SQLE: variants seen among roughly 807,000 people sequenced by gnomAD.
SQLE encodes the protein squalene monooxygenase.
Under a neutral mutation model 60.7 loss-of-function variants are expected in SQLE, and 29 were observed. The ratio of observed to expected loss-of-function variants is 0.48; its 90% confidence interval spans 0.36 to 0.65. SQLE has a LOEUF of 0.65. Among genes scored for constraint, SQLE ranks in the 30% least tolerant of loss-of-function variants. SQLE has a pLI of 0.00. For synonymous variants in SQLE, 237 were observed against 246.8 expected (o/e 0.96, Z 0.37); for missense variants, 605 against 684.1 (o/e 0.88, Z 1.29).
chr8:125,011,611 CCTT>C lies in SQLE; in HGVS notation c.1185_1187del (p.Ser397del). 6.3e-7 allele frequency: 1 copy of C among 1,580,924 alleles called. No individual in the cohort carries two copies. Among genetic ancestry groups the C allele is most frequent in the Non-Finnish European group, 8.6e-7 (1 of 1,161,594 alleles). On this transcript the variant is annotated inframe_deletion, in exon 7 of 11. Coordinates refer to ENST00000265896, the MANE Select transcript of SQLE (RefSeq NM_003129.4). ...GTCCATGCCAGCAAGCTTCCTTCCT[CCTT>C]CATCAGTGAAGAAACGAGGTATTAT...
At position 125,019,658 on chromosome 8, in the gene SQLE, T is replaced by C. The variant is rs572451806; in HGVS notation, c.1444+931T>C. ...CACCACAGCAGTGTACACATCAGTTTAATAGTAGGTTAATGAAACTAGGCT... is the reference window on the plus strand; with the variant it reads ...CACCACAGCAGTGTACACATCAGTTCAATAGTAGGTTAATGAAACTAGGCT... On this transcript the variant is annotated intron_variant, in intron 9 of 10. Transcript: ENST00000265896. 2.4e-4 allele frequency among the ~76,000 whole-genome samples: 36 copies of C among 152,292 alleles called. 1 individual carries two copies. The highest frequency in any genetic ancestry group is 1.9e-3 in the South Asian group (9 of 4,830).
At chr8:125,008,404 T>A (rs866841880) in intron 4 of SQLE, among the ~76,000 whole-genome samples, 9 of 152,146 alleles carry the variant, frequency 5.9e-5, no homozygotes, top group Admixed American at 4.6e-4. Flanking sequence ...TTCCTTTTTT[T>A]AAAAAAAAAT....
rs1815112386 is a variant in SQLE, at chr8:125,016,401, CT to C, written c.1205-1656del. Among the ~76,000 whole-genome samples, 1 of 151,934 alleles carries C rather than the reference CT, an allele frequency of 6.6e-6. No homozygotes were observed. The highest frequency in any genetic ancestry group is 1.5e-5 in the Non-Finnish European group (1 of 67,984). On this transcript the variant is annotated intron_variant, in intron 7 of 10. Coordinates refer to ENST00000265896, the MANE Select transcript of SQLE (RefSeq NM_003129.4). The surrounding 1 kb of genome is among the most constrained non-coding windows in gnomAD (Gnocchi z 4.1). ...TCTACTGTTGAGATTCTGCCATGTTCTTCAGTAAGTTAATTGAATTTTTTAT... is the reference window on the plus strand; with the variant it reads ...TCTACTGTTGAGATTCTGCCATGTTCTCAGTAAGTTAATTGAATTTTTTAT...
At chr8:125,015,709 G>A (rs913035812) in intron 7 of SQLE, among the ~76,000 whole-genome samples, 2 of 152,094 alleles carry the variant, frequency 1.3e-5, no homozygotes, top group African/African-American at 4.8e-5. Context: ...GTACCTTCAT[G>A]TAATTGCTTA....
At chr8:125,019,870 A>C (rs1164936110) in intron 9 of SQLE, among the ~76,000 whole-genome samples, 1 of 152,052 alleles carries the variant, frequency 6.6e-6, no homozygotes, top group African/African-American at 2.4e-5. Flanking sequence ...AAAAAAAACA[A>C]AACAAAAACC....
chr8:125,016,512 G>A lies in SQLE; in HGVS notation c.1205-1547G>A, dbSNP rs12334394. Among the ~76,000 whole-genome samples, 3,824 of 152,116 alleles carry A rather than the reference G, an allele frequency of 0.025. 148 individuals carry two copies. The highest frequency in any genetic ancestry group is 0.088 in the African/African-American group (3,629 of 41,470). On this transcript the variant is annotated intron_variant, in intron 7 of 10. Transcript: ENST00000265896. The surrounding 1 kb of genome is among the most constrained non-coding windows in gnomAD (Gnocchi z 4.1). ...ATAGCATTCTGAGTTCCTTCTCTGT[G>A]TTGTCTTGAATTTTGTTGAGCTTCT...
chr8:125,006,620 CA>C (rs575609752), intron 3 of SQLE, among the ~76,000 whole-genome samples: 3,635 of 65,332 alleles, frequency 0.056, 92 homozygotes, highest in African/African-American at 0.075. Context: ...GACTTGGTCT[CA>C]AAAAAAAAAA....
chr8:125,010,328 A>G (rs566488092), intron 6 of SQLE, among the ~76,000 whole-genome samples: 27 of 152,350 alleles, frequency 1.8e-4, no homozygotes, highest in African/African-American at 5.3e-4. Context: ...TCACAAATCT[A>G]AAGTTTTCAT....
intron 2 of SQLE, among the ~76,000 whole-genome samples, chr8:125,005,096 G>T (rs559270923): frequency 6.0e-5 from 9 of 150,660 alleles, no homozygotes; most frequent in South Asian, 2.1e-4. Context: ...ATAAATTGGG[G>T]TTTTTTTTTG....
chr8:125,016,291 A>T lies in SQLE; in HGVS notation c.1205-1768A>T, dbSNP rs1815110480. Among the ~76,000 whole-genome samples, 1 of 151,638 alleles carries T rather than the reference A, an allele frequency of 6.6e-6. No individual in the cohort carries two copies. Among genetic ancestry groups the T allele is most frequent in the Non-Finnish European group, 1.5e-5 (1 of 67,932 alleles). ...ATCTTGTAGGTGTGCCTCATTCTTG[A>T]TTATTCTTTTTTCTTTTGTCTCCTC... is the stretch of plus-strand genomic sequence containing the variant. On this transcript the variant is annotated intron_variant, in intron 7 of 10. Transcript: ENST00000265896. This position sits in a 1 kb window ranked among gnomAD's most constrained non-coding sequence, Gnocchi z 4.1.
intron 7 of SQLE, among the ~76,000 whole-genome samples, chr8:125,013,951 G>A (rs1815075508): frequency 6.6e-6 from 1 of 152,148 alleles, no homozygotes; most frequent in Non-Finnish European, 1.5e-5. Flanking sequence ...TTATTCCTAA[G>A]TATTTTACCT....
At chr8:125,008,278 G>A (rs1243284639) in intron 4 of SQLE, among the ~76,000 whole-genome samples, 3 of 152,000 alleles carry the variant, frequency 2.0e-5, no homozygotes, top group African/African-American at 4.8e-5. Flanking sequence ...TAATAGAGAC[G>A]GGGTTTCTCC....
At chr8:125,018,250 G>A in intron 8 of SQLE, 49 bp downstream of exon 8, 1 of 1,597,054 alleles carries the variant, frequency 6.3e-7, no homozygotes. Flanking sequence ...ATTTATTTCT[G>A]GGGGTTAAGA....
intron 1 of SQLE, 182 bp downstream of exon 1, chr8:124,999,876 A>T (rs951692383): frequency 3.9e-5 from 32 of 811,658 alleles, no homozygotes; most frequent in Non-Finnish European, 6.3e-5. Flanking sequence ...CTTAAGAATG[A>T]GTGAAGACAT....
At chr8:125,014,195 G>A (rs1298491682) in intron 7 of SQLE, among the ~76,000 whole-genome samples, 1 of 152,076 alleles carries the variant, frequency 6.6e-6, no homozygotes, top group Non-Finnish European at 1.5e-5. Context: ...TGTAAAAAAC[G>A]TGATGATTTG....
At chr8:125,006,298 A>G (rs1052582384) in intron 3 of SQLE, among the ~76,000 whole-genome samples, 6 of 152,168 alleles carry the variant, frequency 3.9e-5, no homozygotes, top group African/African-American at 1.2e-4. Context: ...CTTGATATCC[A>G]TGGAAGAAGA....
At chr8:125,015,890 T>G (rs1270782953) in intron 7 of SQLE, among the ~76,000 whole-genome samples, 3 of 151,078 alleles carry the variant, frequency 2.0e-5, no homozygotes, top group African/African-American at 7.3e-5. Context: ...GCATAAAAGT[T>G]CTTTTCCTTC....
rs1429154706 is a variant in SQLE, at chr8:125,003,402, A to G, written c.518A>G (p.His173Arg). ...VGEFLQPGGY[H>R]VLKDLGLGDT... The stretch of plus-strand genomic sequence containing the variant: ...GAATTCCTGCAGCCGGGTGGTTATC[A>G]TGTTCTCAAAGACCTTGGTCTTGGA... The change falls in exon 2 of 11, where the codon CAT (histidine) becomes CGT (arginine). Residue 173 changes from histidine to arginine, a missense_variant. By Grantham distance (29) the His-to-Arg change is conservative. Coordinates refer to ENST00000265896, the MANE Select transcript of SQLE (RefSeq NM_003129.4). 4 of 1,613,882 alleles carry G rather than the reference A, an allele frequency of 2.5e-6. No homozygotes were observed. The African/African-American group carries it at 5.3e-5, about 22-fold the overall frequency.
chr8:125,001,449 GGTGTGTGTGTGTGTGT>G (rs57946751), intron 1 of SQLE, among the ~76,000 whole-genome samples: 40 of 137,022 alleles, frequency 2.9e-4, no homozygotes, highest in African/African-American at 9.6e-4. Flanking sequence ...CTCCTTTCAG[GGTGTGTGTGTGTGTGT>G]GTGTGTGTGT....
Sources: gnomAD v4.1 joint callset for allele counts (sites outside exome capture counted in the v4.1 genomes callset) on GRCh38, gnomAD v4.1.1 for gene constraint, Gnocchi (gnomAD v3.1) non-coding constraint, MANE v1.5 for transcripts, NCBI Gene and HGNC (gene_info 2026-07-23, HGNC 2026-07-21) for gene names.